CSMD1: variants seen among roughly 807,000 people sequenced by gnomAD.
CSMD1 encodes CUB and sushi domain-containing protein 1.
Under a neutral mutation model 417.5 loss-of-function variants are expected in CSMD1, and 213 were observed. The observed-to-expected ratio is 0.51, with a 90% CI of 0.46 to 0.57. CSMD1 has a LOEUF of 0.57. CSMD1 is among the 20% of genes least tolerant of loss of function. The pLI is 0.00. For missense variants in CSMD1, 6,923 were observed against 4,529.7 expected (o/e 1.53, Z -15.17); for synonymous variants, 2,862 against 1,736.8 (o/e 1.65, Z -16.11).
At chr8:3,857,060 C>G (rs534475240) in intron 5 of CSMD1, among the ~76,000 whole-genome samples, 1 of 151,968 alleles carries the variant, frequency 6.6e-6, no homozygotes, top group Admixed American at 6.5e-5. Flanking sequence ...ATATCCCACA[C>G]TTACTTCAGG....
chr8:3,465,358 G>A (rs1816738253), intron 12 of CSMD1, among the ~76,000 whole-genome samples: 1 of 152,172 alleles, frequency 6.6e-6, no homozygotes, highest in African/African-American at 2.4e-5. Flanking sequence ...TGGGGAGTTA[G>A]AGACAGCACA....
At chr8:3,789,409 T>TAAG (rs1554437931) in intron 5 of CSMD1, among the ~76,000 whole-genome samples, 1 of 1,258 alleles carries the variant, frequency 7.9e-4, no homozygotes, top group Non-Finnish European at 1.6e-3. Flanking sequence ...TTTAAGTAAG[T>TAAG]TTTTTTTTTT....
chr8:3,311,384 G>A (rs1007543886), intron 23 of CSMD1, among the ~76,000 whole-genome samples: 1 of 151,974 alleles, frequency 6.6e-6, no homozygotes, highest in Non-Finnish European at 1.5e-5. Flanking sequence ...TGAATAGCTG[G>A]GACTATAAGT....
At chr8:3,687,794 G>C (rs1027018900) in intron 7 of CSMD1, among the ~76,000 whole-genome samples, 4 of 152,132 alleles carry the variant, frequency 2.6e-5, no homozygotes, top group Admixed American at 6.5e-5. Flanking sequence ...CTTGATCTTT[G>C]CTCCACTTAA....
intron 3 of CSMD1, among the ~76,000 whole-genome samples, chr8:4,199,118 A>G (rs915684729): frequency 6.6e-6 from 1 of 152,186 alleles, no homozygotes; most frequent in African/African-American, 2.4e-5. Flanking sequence ...TGCTGTCCGT[A>G]AAGTTCTCAT....
At chr8:3,167,559 T>C (rs1045082792) in intron 37 of CSMD1, among the ~76,000 whole-genome samples, 3 of 152,238 alleles carry the variant, frequency 2.0e-5, no homozygotes, top group African/African-American at 7.2e-5. Flanking sequence ...CACTGATACA[T>C]TTTGTGTTCA....
Position 3,246,063 on chromosome 8 carries a change from A to G in CSMD1, c.4154-15832T>C, listed in dbSNP as rs900495656. On this transcript the variant is annotated intron_variant, in intron 26 of 69. Transcript: ENST00000635120. ...CCGAACTTCCTTCTTGTCTACCCCC[A>G]GTGCAATCCATTCTCTGCACTGCAT... Among the ~76,000 whole-genome samples, 11 of 152,246 alleles carry G rather than the reference A, an allele frequency of 7.2e-5. No homozygotes were observed. In the South Asian group the frequency reaches 1.2e-3, roughly 17 times the overall value.
At chr8:3,204,559 G>A (rs757300715) in intron 31 of CSMD1, among the ~76,000 whole-genome samples, 1 of 152,148 alleles carries the variant, frequency 6.6e-6, no homozygotes, top group Non-Finnish European at 1.5e-5. Context: ...TTTGGGGAGG[G>A]TGTGCATTAC....
intron 3 of CSMD1, among the ~76,000 whole-genome samples, chr8:4,310,656 A>G (rs559163208): frequency 7.9e-5 from 12 of 152,302 alleles, no homozygotes; most frequent in African/African-American, 2.2e-4. Context: ...GACCGAGACT[A>G]TAAAATTTAG....
At chr8:4,340,101 A>T (rs1800391387) in intron 3 of CSMD1, among the ~76,000 whole-genome samples, 1 of 152,010 alleles carries the variant, frequency 6.6e-6, no homozygotes, top group Admixed American at 6.6e-5. Context: ...ATTAGAGTTA[A>T]CCTTAGAAGT....
chr8:4,302,800 A>G (rs1443085048), intron 3 of CSMD1, among the ~76,000 whole-genome samples: 2 of 152,168 alleles, frequency 1.3e-5, no homozygotes, highest in African/African-American at 4.8e-5. Flanking sequence ...CCCCTCTACA[A>G]GCCAGAGAGT....
rs926756607 is a variant in CSMD1, at chr8:4,050,044, G to T, written c.416-17945C>A. Among the ~76,000 whole-genome samples the T allele has an allele frequency of 8.5e-5, 13 of 152,156 alleles. No individual in the cohort carries two copies. The South Asian group carries it at 1.7e-3, about 19-fold the overall frequency. ...AGAAGTTGCGGCCAGATATTCTGTG[G>T]AATGTCCCTCCTGTGGAACTTGTCT... On this transcript the variant is annotated intron_variant, in intron 3 of 69. Transcript: ENST00000635120.
chr8:4,901,736 T>C (rs969583179), intron 1 of CSMD1, among the ~76,000 whole-genome samples: 1 of 152,206 alleles, frequency 6.6e-6, no homozygotes, highest in Non-Finnish European at 1.5e-5. Flanking sequence ...CTGAATCATA[T>C]TAGCATAGAG....
At chr8:4,659,379 A>G (rs995497345) in intron 1 of CSMD1, among the ~76,000 whole-genome samples, 1 of 152,198 alleles carries the variant, frequency 6.6e-6, no homozygotes, top group African/African-American at 2.4e-5. Context: ...GAGCAGATAT[A>G]TTTAAAAATG....
intron 1 of CSMD1, among the ~76,000 whole-genome samples, chr8:4,725,820 G>T (rs1222809564): frequency 6.6e-6 from 1 of 152,124 alleles, no homozygotes; most frequent in African/African-American, 2.4e-5. Context: ...GGAACTGAGT[G>T]TAATGTTCAC....
chr8:4,016,671 G>T (rs994375798), intron 4 of CSMD1, among the ~76,000 whole-genome samples: 1 of 152,202 alleles, frequency 6.6e-6, no homozygotes, highest in Non-Finnish European at 1.5e-5. Context: ...ACTCTGTAAA[G>T]CAAGAGCTTC....
chr8:4,461,573 G>T (rs1029682006), intron 2 of CSMD1, among the ~76,000 whole-genome samples: 4 of 148,884 alleles, frequency 2.7e-5, no homozygotes, highest in East Asian at 2.0e-4. Flanking sequence ...GGGTGTTGGG[G>T]GATACATCAT....
intron 1 of CSMD1, among the ~76,000 whole-genome samples, chr8:4,823,554 C>A (rs962041018): frequency 2.0e-5 from 3 of 152,004 alleles, no homozygotes; most frequent in Non-Finnish European, 4.4e-5. Flanking sequence ...TCCAAGCCCT[C>A]GTAGTATATG....
intron 3 of CSMD1, among the ~76,000 whole-genome samples, chr8:4,330,113 A>G (rs866965707): frequency 6.6e-6 from 1 of 151,662 alleles, no homozygotes; most frequent in Non-Finnish European, 1.5e-5. Context: ...TATAGTCAGC[A>G]TTTGACTACA....
Sources: allele counts gnomAD v4.1 joint callset (sites outside exome capture counted in the v4.1 genomes callset), GRCh38; gene constraint gnomAD v4.1.1; transcripts MANE v1.5; gene names NCBI Gene and HGNC (gene_info 2026-07-23, HGNC 2026-07-21).